Variants in GRM7 observed in about 807,000 individuals in gnomAD.
GRM7 encodes glutamate metabotropic receptor 7.
A neutral mutation model predicts 84.5 loss-of-function variants in GRM7; 35 were observed. The observed-to-expected ratio is 0.41, with a 90% CI of 0.32 to 0.55. The LOEUF (loss-of-function observed/expected upper bound fraction) is 0.55, where lower values mean the gene tolerates loss of function less well. Among genes scored for constraint, GRM7 ranks in the 20% least tolerant of loss-of-function variants. The pLI is 0.19. For missense variants in GRM7, 1,003 were observed against 1,194.6 expected, an observed-to-expected ratio of 0.84 and a Z score of 2.36; for synonymous variants, 487 against 455.1, an observed-to-expected ratio of 1.07 and a Z score of -0.89.
chr3:7,550,531 T>C (rs1233257720), intron 7 of GRM7, among the ~76,000 whole-genome samples: 2 of 147,926 alleles, frequency 1.4e-5, no homozygotes, highest in Non-Finnish European at 3.0e-5. Flanking sequence ...TCTTCCTTTT[T>C]TTCTTCTCCC....
intron 9 of GRM7, among the ~76,000 whole-genome samples, chr3:7,692,002 C>T (rs943516809): frequency 1.1e-4 from 16 of 151,912 alleles, no homozygotes; most frequent in East Asian, 1.9e-4. Flanking sequence ...TTTTTGTTTT[C>T]GTTACATTTT....
At chr3:7,649,821 G>A (rs371513180) in intron 8 of GRM7, among the ~76,000 whole-genome samples, 12 of 149,154 alleles carry the variant, frequency 8.0e-5, no homozygotes, top group African/African-American at 7.4e-5. Flanking sequence ...GCTGGCAAAA[G>A]AAAAAAAAAA....
chr3:7,267,290 G>T (rs1698678302), intron 2 of GRM7, among the ~76,000 whole-genome samples: 1 of 152,192 alleles, frequency 6.6e-6, no homozygotes, highest in African/African-American at 2.4e-5. Flanking sequence ...GAAAGCTGAA[G>T]ATATGTGAAC....
intron 7 of GRM7, among the ~76,000 whole-genome samples, chr3:7,541,424 A>G (rs948645296): frequency 6.6e-6 from 1 of 152,188 alleles, no homozygotes; most frequent in Non-Finnish European, 1.5e-5. Context: ...AATATTTGCA[A>G]GAATGGCTCA....
intron 8 of GRM7, among the ~76,000 whole-genome samples, chr3:7,657,728 C>A (rs562806972): frequency 1.4e-4 from 21 of 152,116 alleles, no homozygotes; most frequent in Non-Finnish European, 2.5e-4. Context: ...GGGAGGGGAG[C>A]AGAAACAGAT....
intron 1 of GRM7, among the ~76,000 whole-genome samples, chr3:6,939,009 T>C (rs1697791566): frequency 6.6e-6 from 1 of 152,328 alleles, no homozygotes; most frequent in South Asian, 2.1e-4. Flanking sequence ...ATCTCTTGCT[T>C]AAATGTATAA....
At chr3:7,604,577 G>T (rs1209703068) in intron 8 of GRM7, among the ~76,000 whole-genome samples, 3 of 152,118 alleles carry the variant, frequency 2.0e-5, no homozygotes, top group Non-Finnish European at 4.4e-5. Flanking sequence ...TACCTGGTCA[G>T]TTTTCTTGCA....
At chr3:6,929,451 G>A (rs1021860116) in intron 1 of GRM7, among the ~76,000 whole-genome samples, 1 of 152,176 alleles carries the variant, frequency 6.6e-6, no homozygotes, top group Non-Finnish European at 1.5e-5. Flanking sequence ...ATAGTTATAA[G>A]GTGGTACCGT....
At chr3:6,875,619 G>C (rs866951309) in intron 1 of GRM7, among the ~76,000 whole-genome samples, 5 of 152,244 alleles carry the variant, frequency 3.3e-5, no homozygotes, top group Middle Eastern at 3.4e-3. Flanking sequence ...GTCTTTATTA[G>C]CAGTGTGAGA....
At chr3:7,177,626 A>G (rs1306162930) in intron 2 of GRM7, among the ~76,000 whole-genome samples, 5 of 151,638 alleles carry the variant, frequency 3.3e-5, no homozygotes, top group Non-Finnish European at 7.4e-5. Flanking sequence ...GGGTGGGAGA[A>G]AAGAAGGAAA....
intron 4 of GRM7, among the ~76,000 whole-genome samples, chr3:7,317,686 C>T (rs1174506930): frequency 6.6e-6 from 1 of 151,814 alleles, no homozygotes; most frequent in African/African-American, 2.4e-5. Flanking sequence ...TATTCTAGTG[C>T]TTTCATATAG....
intron 4 of GRM7, among the ~76,000 whole-genome samples, chr3:7,348,937 T>G (rs1454725507): frequency 6.6e-6 from 1 of 152,154 alleles, no homozygotes; most frequent in Non-Finnish European, 1.5e-5. Context: ...TCAAGAGGGA[T>G]GTACATCATT....
At chr3:7,653,062 C>G (rs185693787) in intron 8 of GRM7, among the ~76,000 whole-genome samples, 1 of 152,034 alleles carries the variant, frequency 6.6e-6, no homozygotes, top group African/African-American at 2.4e-5. Context: ...CACATTTCCC[C>G]TTTGCAATGA....
chr3:7,209,884 C>T (rs185774689), intron 2 of GRM7, among the ~76,000 whole-genome samples: 4 of 152,058 alleles, frequency 2.6e-5, no homozygotes, highest in East Asian at 1.9e-4. Context: ...TCAACGGTCT[C>T]GGCAGGAGAG....
At chr3:7,527,926 C>G (rs1040281369) in intron 7 of GRM7, among the ~76,000 whole-genome samples, 2 of 151,638 alleles carry the variant, frequency 1.3e-5, no homozygotes, top group Non-Finnish European at 2.9e-5. Context: ...TTTCATTTTG[C>G]TGGTATTTTG....
intron 1 of GRM7, among the ~76,000 whole-genome samples, chr3:7,134,631 C>G (rs908578109): frequency 6.6e-6 from 1 of 152,134 alleles, no homozygotes; most frequent in African/African-American, 2.4e-5. Context: ...GATTGGTCAA[C>G]TTGGACCAGC....
intron 4 of GRM7, among the ~76,000 whole-genome samples, chr3:7,320,162 GTGTT>G (rs999457324): frequency 6.6e-6 from 1 of 151,980 alleles, no homozygotes; most frequent in African/African-American, 2.4e-5. Flanking sequence ...GTTTGTGTGT[GTGTT>G]TGTGTGTATC....
At chr3:7,340,387 T>A (rs551883642) in intron 4 of GRM7, among the ~76,000 whole-genome samples, 41 of 152,204 alleles carry the variant, frequency 2.7e-4, no homozygotes, top group Non-Finnish European at 4.6e-4. Flanking sequence ...AGCAGACACA[T>A]CTTACATGGC....
At chr3:7,413,622 C>T (rs1156502505) in intron 4 of GRM7, among the ~76,000 whole-genome samples, 2 of 152,132 alleles carry the variant, frequency 1.3e-5, no homozygotes. Flanking sequence ...TTTTGATTGA[C>T]TTATCCATTC....
Sources: allele counts gnomAD v4.1 joint callset (sites outside exome capture counted in the v4.1 genomes callset), GRCh38; gene constraint gnomAD v4.1.1; transcripts MANE v1.5; gene names NCBI Gene and HGNC (gene_info 2026-07-23, HGNC 2026-07-21).